USP2: variants seen among roughly 807,000 people sequenced by gnomAD.
The protein encoded by USP2 is ubiquitin carboxyl-terminal hydrolase 2.
Under a neutral mutation model 72.0 loss-of-function variants are expected in USP2, and 33 were observed. That is an observed-to-expected ratio of 0.46 (90% CI 0.35 to 0.61). USP2 has a LOEUF of 0.61. Ranked by LOEUF, USP2 falls within the 20% of genes least tolerant of loss-of-function variation. The pLI is 0.01. For synonymous variants in USP2, 296 were observed against 312.5 expected, an observed-to-expected ratio of 0.95 and a Z score of 0.56; for missense variants, 691 against 797.8, an observed-to-expected ratio of 0.87 and a Z score of 1.61.
At chr11:119,363,676 A>T (rs1393093238) in intron 2 of USP2, among the ~76,000 whole-genome samples, 1 of 149,724 alleles carries the variant, frequency 6.7e-6, no homozygotes, top group African/African-American at 2.5e-5. Flanking sequence ...ACCACGAGTA[A>T]GCGTGCGATC....
At chr11:119,359,758 C>G in intron 3 of USP2, 98 bp from the exon 4 acceptor site, 1 of 1,508,864 alleles carries the variant, frequency 6.6e-7, no homozygotes, top group Non-Finnish European at 8.9e-7. Flanking sequence ...TACCTAGAAT[C>G]CTTTCATAGG....
rs1565312954 is a variant in USP2 at position 119,373,396 on chromosome 11, CACCAT to C, written c.80_84del (p.Tyr27CysfsTer47). On this transcript the variant is annotated frameshift_variant, in exon 2 of 13. Transcript: ENST00000260187. LOFTEE classifies it high-confidence loss of function. ...GCCCCATAGGAGGACGGGGTGTAGG[CACCAT>C]AGCCCGACTTGGCATAGTGGGCATC... 1 of 1,608,310 alleles carries C rather than the reference CACCAT, an allele frequency of 6.2e-7. No homozygotes were observed. The highest frequency in any genetic ancestry group is 1.3e-5 in the African/African-American group (1 of 75,034).
chr11:119,360,088 G>T, intron 3 of USP2, 96 bp downstream of exon 3: 5 of 1,452,282 alleles, frequency 3.4e-6, no homozygotes, highest in Non-Finnish European at 4.7e-6. Flanking sequence ...AACGGGTAGG[G>T]AGTCAGCCAC....
At chr11:119,363,985 G>A (rs1197336525) in intron 2 of USP2, 12 of 1,218,954 alleles carry the variant, frequency 9.8e-6, no homozygotes, top group Non-Finnish European at 1.2e-5. Context: ...CACGGTGTAC[G>A]AGGTGCGCAT....
rs546782302 is a variant in USP2 at position 119,356,202 on chromosome 11, G to A, written c.*633C>T. On this transcript the variant is annotated 3_prime_UTR_variant, in exon 13 of 13. Transcript: ENST00000260187. Reference sequence around the variant, plus strand: ...ACTTGGAAAAGCAATAAAAGGACCAGTGCAACGTCCCAGCTATGAAGAGGC... The same window carrying A: ...ACTTGGAAAAGCAATAAAAGGACCAATGCAACGTCCCAGCTATGAAGAGGC... The A allele has an allele frequency of 6.6e-6, 1 of 152,542 alleles. No individual in the cohort carries two copies. Among genetic ancestry groups the A allele is most frequent in the East Asian group, 1.9e-4 (1 of 5,182 alleles). The allele number at this position is 152,542 out of a possible 1,614,324, so 9.4% of individuals were successfully genotyped here.
chr11:119,367,498 C>T (rs1005390901), intron 2 of USP2, among the ~76,000 whole-genome samples: 14 of 152,300 alleles, frequency 9.2e-5, no homozygotes, highest in Middle Eastern at 3.4e-3. Flanking sequence ...ATGGACAGAC[C>T]GGTGGCCTGA....
intron 2 of USP2, among the ~76,000 whole-genome samples, chr11:119,361,612 G>A (rs542929732): frequency 6.6e-6 from 1 of 151,970 alleles, no homozygotes; most frequent in African/African-American, 2.4e-5. Flanking sequence ...TGTCAGCTGG[G>A]GGGGAGGGGT....
At chr11:119,366,387 T>A (rs972469933) in intron 2 of USP2, among the ~76,000 whole-genome samples, 2 of 152,238 alleles carry the variant, frequency 1.3e-5, no homozygotes, top group African/African-American at 4.8e-5. Context: ...AAAATTTGCA[T>A]CTTCCAAAAG....
intron 1 of USP2, among the ~76,000 whole-genome samples, chr11:119,379,527 T>G (rs1951036870): frequency 6.6e-6 from 1 of 152,222 alleles, no homozygotes. Context: ...CTCAAGGGCA[T>G]GTGCAGATAG....
chr11:119,360,303 G>T, intron 2 of USP2, 69 bp from the exon 3 acceptor site: 1 of 1,544,020 alleles, frequency 6.5e-7, no homozygotes, highest in Non-Finnish European at 8.9e-7. Flanking sequence ...GCTCTCTCGT[G>T]CAATTTCTAA....
intron 2 of USP2, 103 bp from the exon 3 acceptor site, chr11:119,360,337 G>T (rs748063707): frequency 7.8e-6 from 9 of 1,147,392 alleles, no homozygotes; most frequent in East Asian, 2.5e-5. Flanking sequence ...CAGGCAGCAG[G>T]CCACACATAA....
intron 2 of USP2, among the ~76,000 whole-genome samples, chr11:119,370,591 C>G (rs1950913180): frequency 8.8e-6 from 1 of 114,032 alleles, no homozygotes; most frequent in African/African-American, 3.6e-5. Flanking sequence ...ACGCACTCTG[C>G]TCCAGGAAAT....
chr11:119,360,661 G>A (rs1950749521), intron 2 of USP2, among the ~76,000 whole-genome samples: 2 of 152,134 alleles, frequency 1.3e-5, no homozygotes, highest in Non-Finnish European at 2.9e-5. Flanking sequence ...CTGACCTCAG[G>A]TGATCCACCT....
At position 119,357,195 on chromosome 11, in the gene USP2, G is replaced by A. The variant is rs1950677443; in HGVS notation, c.1722C>T (p.Asn574=). 6.2e-7 allele frequency: 1 copy of A among 1,613,692 alleles called. No individual in the cohort carries two copies. The highest frequency in any genetic ancestry group is 1.7e-5 in the Admixed American group (1 of 60,010). The change falls in exon 12 of 13, where the codon AAC becomes AAT. Residue 574 remains asparagine (N), a synonymous_variant. Transcript: ENST00000260187. The part of the protein sequence containing the change: ...SPGTGEWHTF[N]DSSVTPMSSS... Reference sequence around the variant, plus strand: ...CCTGCCCTGGCTCTCACCTGGAGTCGTTGAAAGTGTGCCATTCTCCTGTCC... The same window carrying A: ...CCTGCCCTGGCTCTCACCTGGAGTCATTGAAAGTGTGCCATTCTCCTGTCC...
At chr11:119,359,414 C>T in intron 4 of USP2, 72 bp from the exon 5 acceptor site, 1 of 1,584,204 alleles carries the variant, frequency 6.3e-7, no homozygotes, top group Non-Finnish European at 8.6e-7. Flanking sequence ...AGAATCCCAA[C>T]AAAAAGCAAG....
intron 1 of USP2, among the ~76,000 whole-genome samples, chr11:119,378,081 G>T (rs1951023231): frequency 6.6e-6 from 1 of 152,110 alleles, no homozygotes; most frequent in African/African-American, 2.4e-5. Flanking sequence ...CCCGCCAGGT[G>T]GTTGGGAGCC....
chr11:119,356,959 G>A, intron 12 of USP2, 37 bp from the exon 13 acceptor site: 1 of 1,546,782 alleles, frequency 6.5e-7, no homozygotes. Flanking sequence ...GGAGCGGGCA[G>A]GACCGGGAGA....
At chr11:119,358,549 C>T in intron 7 of USP2, 1 of 622,448 alleles carries the variant, frequency 1.6e-6, no homozygotes, top group Non-Finnish European at 2.8e-6. Flanking sequence ...CTCCTGACCT[C>T]AGGTGATCTA....
At chr11:119,368,442 G>A (rs755919791) in intron 2 of USP2, among the ~76,000 whole-genome samples, 1 of 152,196 alleles carries the variant, frequency 6.6e-6, no homozygotes, top group East Asian at 1.9e-4. Context: ...CCTGCTATCC[G>A]CAATTTGTTC....
Sources: allele counts gnomAD v4.1 joint callset (sites outside exome capture counted in the v4.1 genomes callset), GRCh38; gene constraint gnomAD v4.1.1; transcripts MANE v1.5; gene names NCBI Gene and HGNC (gene_info 2026-07-23, HGNC 2026-07-21).